IRAG2: variants seen among roughly 807,000 people sequenced by gnomAD.
IRAG2 encodes inositol 1,4,5-triphosphate receptor associated 2.
A neutral mutation model predicts 69.9 loss-of-function variants in IRAG2; 45 were observed. That is an observed-to-expected ratio of 0.64 (90% CI 0.51 to 0.83). The LOEUF (loss-of-function observed/expected upper bound fraction) is 0.83, where lower values mean the gene tolerates loss of function less well. Ranked by LOEUF, IRAG2 falls within the 40% of genes least tolerant of loss-of-function variation. The probability of loss-of-function intolerance (pLI) is 0.00; values close to 1 mark genes in which losing one functional copy is unlikely to be tolerated. For synonymous variants in IRAG2, 193 were observed against 202.4 expected (o/e 0.95, Z 0.40); for missense variants, 520 against 587.0 (o/e 0.89, Z 1.18).
intron 3 of IRAG2, among the ~76,000 whole-genome samples, chr12:25,012,555 C>T (rs983079578): frequency 3.3e-5 from 5 of 151,946 alleles, no homozygotes; most frequent in African/African-American, 9.7e-5. Context: ...TGACAGGGCG[C>T]GATGGCTCAC....
chr12:25,077,276 A>ATAT lies in IRAG2; in HGVS notation c.25-1968_25-1967insTAT, dbSNP rs1565562861. Among the ~76,000 whole-genome samples, 12 of 15,206 alleles carry ATAT rather than the reference A, an allele frequency of 7.9e-4. 3 individuals carry two copies. The highest frequency in any genetic ancestry group is 2.0e-3 in the African/African-American group (12 of 6,118). The allele number at this position is 15,206 out of a possible 152,430, so 10.0% of individuals were successfully genotyped here. A position where few individuals can be genotyped will look rare whatever the true frequency, so the allele number is the denominator to read the frequency against. ...ATGATATATATATGAAATATATATG[A>ATAT]AATATATATGATATATATATGAAAT... On this transcript the variant is annotated intron_variant, in intron 6 of 21. Coordinates refer to ENST00000556887, the MANE Select transcript of IRAG2 (RefSeq NM_001366544.2).
Position 25,079,386 on chromosome 12 carries a change from T to A in IRAG2, c.72-12T>A, listed in dbSNP as rs1294937164. The A allele has an allele frequency of 6.2e-7, 1 of 1,612,902 alleles. No homozygotes were observed. Among genetic ancestry groups the A allele is most frequent in the East Asian group, 2.2e-5 (1 of 44,870 alleles). On this transcript the variant is annotated splice_polypyrimidine_tract_variant and intron_variant, in intron 7 of 21. Coordinates refer to ENST00000556887, the MANE Select transcript of IRAG2 (RefSeq NM_001366544.2). ...CTGACATTCCAAAACATGTTTGCTA[T>A]CTTTTTGGCAGGGAATATTCCTCAC... is the stretch of plus-strand genomic sequence containing the variant.
chr12:25,037,249 G>GA (rs35136398), intron 15 of IRAG2, among the ~76,000 whole-genome samples: 56,212 of 151,904 alleles, frequency 0.37, 10,669 homozygotes, highest in Non-Finnish European at 0.4. Context: ...TTAAGCTAAA[G>GA]AAAAAAGTAA....
intron 5 of IRAG2, among the ~76,000 whole-genome samples, chr12:25,016,504 T>C (rs1478983916): frequency 6.6e-6 from 1 of 152,152 alleles, no homozygotes; most frequent in African/African-American, 2.4e-5. Context: ...GGCTCATGCC[T>C]GTAATCCCAG....
intron 4 of IRAG2, among the ~76,000 whole-genome samples, chr12:25,064,679 AACT>A (rs1294212164): frequency 2.0e-5 from 3 of 152,226 alleles, no homozygotes; most frequent in African/African-American, 7.2e-5. Context: ...GAGAAGGAAA[AACT>A]ACTAATACTA....
upstream of IRAG2, among the ~76,000 whole-genome samples, chr12:25,048,327 G>C (rs1229482256): frequency 2.0e-5 from 3 of 151,988 alleles, no homozygotes; most frequent in African/African-American, 7.3e-5. Context: ...GTCTCTCTCT[G>C]TTGCTCAGGC....
chr12:25,053,634 C>T (rs149502081), intron 1 of IRAG2, among the ~76,000 whole-genome samples: 114 of 151,976 alleles, frequency 7.5e-4, no homozygotes, highest in Middle Eastern at 3.4e-3. Flanking sequence ...ATTCTAGAAA[C>T]CTAATATGGT....
chr12:25,085,295 C>G (rs1353528796), intron 10 of IRAG2, among the ~76,000 whole-genome samples: 2 of 152,144 alleles, frequency 1.3e-5, no homozygotes, highest in Non-Finnish European at 2.9e-5. Flanking sequence ...GGAGGTGGCT[C>G]TCAGTAAGAT....
chr12:25,077,449 A>C (rs1946907836), intron 6 of IRAG2, among the ~76,000 whole-genome samples: 1 of 146,794 alleles, frequency 6.8e-6, no homozygotes, highest in Non-Finnish European at 1.5e-5. Context: ...TACTAATATA[A>C]TTTATTTAAA....
intron 7 of IRAG2, among the ~76,000 whole-genome samples, chr12:25,022,133 G>T (rs1944585994): frequency 6.6e-6 from 1 of 152,182 alleles, no homozygotes; most frequent in African/African-American, 2.4e-5. Context: ...ACTTACCCTA[G>T]GGCTGGGAGG....
At chr12:25,017,824 T>C (rs74235521) in intron 6 of IRAG2, among the ~76,000 whole-genome samples, 3,194 of 152,232 alleles carry the variant, frequency 0.021, 44 homozygotes, top group East Asian at 0.086. Context: ...AGAAACTCCA[T>C]ACTTACCAGC....
At chr12:25,067,043 C>A (rs1282860247) in intron 5 of IRAG2, among the ~76,000 whole-genome samples, 1 of 152,114 alleles carries the variant, frequency 6.6e-6, no homozygotes, top group Non-Finnish European at 1.5e-5. Flanking sequence ...CACTCTAAAG[C>A]TTAAAAGACA....
intron 14 of IRAG2, among the ~76,000 whole-genome samples, chr12:25,094,188 T>C (rs565290783): frequency 8.0e-4 from 122 of 152,284 alleles, no homozygotes; most frequent in African/African-American, 2.9e-3. Flanking sequence ...TTTTCCCTTA[T>C]GTTTTCTTCT....
At position 25,026,821 on chromosome 12, in the gene IRAG2, G is replaced by A. The variant is rs527385383; in HGVS notation, c.1416G>A (p.Leu472=). The change falls in exon 9 of 39, where the codon CTG becomes CTA. Residue 472 remains leucine, a synonymous_variant. Transcript: ENST00000636465. ...AGAACATCATGGATATAGACAGACTGGAAAAGAAGATTGAAGACTTGTCTA... is the reference window on the plus strand; with the variant it reads ...AGAACATCATGGATATAGACAGACTAGAAAAGAAGATTGAAGACTTGTCTA... 2.4e-6 allele frequency: 3 copies of A among 1,229,394 alleles called. No homozygotes were observed. The Admixed American group carries it at 1.3e-4, about 52-fold the overall frequency. 76.2% of individuals were successfully genotyped at this position (1,229,394 alleles called of 1,614,324 possible).
At chr12:25,068,355 G>A (rs1946121471) in intron 5 of IRAG2, among the ~76,000 whole-genome samples, 1 of 152,154 alleles carries the variant, frequency 6.6e-6, no homozygotes, top group Admixed American at 6.5e-5. Flanking sequence ...AGCACAGGAG[G>A]GTCTGTCTTT....
chr12:25,089,361 G>C (rs1474885067), intron 11 of IRAG2, among the ~76,000 whole-genome samples: 2 of 151,650 alleles, frequency 1.3e-5, no homozygotes, highest in Non-Finnish European at 2.9e-5. Context: ...TTGGGCTGTT[G>C]CTTGATTCTG....
chr12:25,040,649 G>A (rs1223645421), intron 16 of IRAG2, among the ~76,000 whole-genome samples: 2 of 152,224 alleles, frequency 1.3e-5, no homozygotes, highest in Admixed American at 6.5e-5. Flanking sequence ...TACTGAGGAA[G>A]AGAAGGTTCC....
At chr12:25,069,501 C>A in intron 6 of IRAG2, 70 bp downstream of exon 6, 9 of 1,320,066 alleles carry the variant, frequency 6.8e-6, no homozygotes, top group Non-Finnish European at 9.7e-6. Context: ...TATGGGTATT[C>A]TTTTTCCCTG....
chr12:25,023,257 C>T (rs964313693), intron 7 of IRAG2, among the ~76,000 whole-genome samples: 1 of 151,406 alleles, frequency 6.6e-6, no homozygotes, highest in Non-Finnish European at 1.5e-5. Flanking sequence ...TTTTTTCTTT[C>T]ATTTTTATAT....
Sources: allele counts gnomAD v4.1 joint callset (sites outside exome capture counted in the v4.1 genomes callset), GRCh38; gene constraint gnomAD v4.1.1; transcripts MANE v1.5; gene names NCBI Gene and HGNC (gene_info 2026-07-23, HGNC 2026-07-21).